Variants in CDH2 observed in about 807,000 individuals in gnomAD.
CDH2 encodes the protein cadherin 2.
In CDH2, 17 loss-of-function variants were observed where a neutral mutation model predicts 92.0. The observed-to-expected ratio is 0.18, with a 90% CI of 0.13 to 0.28. CDH2 has a LOEUF of 0.28. CDH2 is among the 10% of genes least tolerant of loss of function. The pLI, the probability that CDH2 is intolerant of heterozygous loss-of-function variation, is 1.00. For missense variants in CDH2, 862 were observed against 1,133.1 expected, an observed-to-expected ratio of 0.76 and a Z score of 3.44; for synonymous variants, 419 against 415.9, an observed-to-expected ratio of 1.01 and a Z score of -0.09.
At chr18:28,095,448 GA>G (rs550189348) in intron 2 of CDH2, among the ~76,000 whole-genome samples, 3 of 150,016 alleles carry the variant, frequency 2.0e-5, no homozygotes, top group East Asian at 2.0e-4. Flanking sequence ...ATAAAAAGTT[GA>G]AAAAAAAAGA....
intron 2 of CDH2, among the ~76,000 whole-genome samples, chr18:28,020,406 C>T (rs780970834): frequency 6.6e-6 from 1 of 151,876 alleles, no homozygotes; most frequent in Non-Finnish European, 1.5e-5. Context: ...AGAAGATATA[C>T]ATGGGACGTG....
At chr18:27,954,201 G>A (rs1391439692) in intron 15 of CDH2, among the ~76,000 whole-genome samples, 2 of 152,222 alleles carry the variant, frequency 1.3e-5, no homozygotes, top group East Asian at 3.9e-4. Flanking sequence ...CTTATTTTTA[G>A]ACTAAGCTAC....
intron 2 of CDH2, among the ~76,000 whole-genome samples, chr18:28,115,803 C>T (rs984432781): frequency 6.6e-6 from 1 of 152,122 alleles, no homozygotes; most frequent in African/African-American, 2.4e-5. Context: ...TCTACTTCAT[C>T]TCATGCTGTT....
Position 27,955,672 on chromosome 18 carries a change from T to TA in CDH2, c.2515-3314dup, listed in dbSNP as rs531139399. Reference sequence around the variant, plus strand: ...ACTCCCATATCCACTATTGAGAGTCTAAAAAATATTATTTTCTTTATTTTT... The same window carrying TA: ...ACTCCCATATCCACTATTGAGAGTCTAAAAAAATATTATTTTCTTTATTTTT... On this transcript the variant is annotated intron_variant, in intron 15 of 15. Transcript: ENST00000269141. Among the ~76,000 whole-genome samples, 682 of 151,650 alleles carry TA rather than the reference T, an allele frequency of 4.5e-3. 6 individuals are homozygous for TA. Among genetic ancestry groups the TA allele is most frequent in the African/African-American group, 0.016 (653 of 41,446 alleles).
At chr18:28,083,145 A>G (rs1233232510) in intron 2 of CDH2, among the ~76,000 whole-genome samples, 1 of 152,178 alleles carries the variant, frequency 6.6e-6, no homozygotes, top group Non-Finnish European at 1.5e-5. Context: ...CTGGAGACAC[A>G]GATAGTATAA....
At chr18:28,083,905 G>A (rs915082965) in intron 2 of CDH2, among the ~76,000 whole-genome samples, 1 of 152,122 alleles carries the variant, frequency 6.6e-6, no homozygotes, top group Non-Finnish European at 1.5e-5. Context: ...TCACATGAGG[G>A]TGGGAGGGTA....
In CDH2 at chr18:27,951,623, A is replaced by AG. The variant is rs1909456215; in HGVS notation, c.*529_*530insC. 1 of 12,514 alleles carries AG rather than the reference A, an allele frequency of 8.0e-5. No homozygotes were observed. The highest frequency in any genetic ancestry group is 8.6e-3 in the South Asian group (1 of 116). 0.8% of individuals were successfully genotyped at this position (12,514 alleles called of 1,614,324 possible). On this transcript the variant is annotated 3_prime_UTR_variant, in exon 16 of 16. Coordinates refer to ENST00000269141, the MANE Select transcript of CDH2 (RefSeq NM_001792.5). ...CTGAGTAAGTTTTAAGATTTTAGTG[A>AG]AAAAAAAAAAAACAAACTAAAGTCT...
chr18:28,043,890 ATTTT>A (rs67532914), intron 2 of CDH2, among the ~76,000 whole-genome samples: 5 of 91,470 alleles, frequency 5.5e-5, no homozygotes, highest in Non-Finnish European at 8.7e-5. Flanking sequence ...AGAATCTCGG[ATTTT>A]TTTTTTTTTT....
intron 7 of CDH2, among the ~76,000 whole-genome samples, chr18:28,001,757 T>A (rs1247031589): frequency 1.3e-5 from 2 of 152,250 alleles, no homozygotes; most frequent in African/African-American, 2.4e-5. Context: ...AATAAACTAA[T>A]CTTTATTGGC....
In CDH2 at chr18:27,952,186, T is replaced by C. The variant is rs1436870739; in HGVS notation, c.2688A>G (p.Lys896=). ...YLNDWGPRFK[K]LADMYGGGDD The stretch of plus-strand genomic sequence containing the variant: ...CACCTCCACCATACATGTCAGCAAG[T>C]TTCTTGAACCGTGGCCCCCAGTCGT... Residue 896 remains lysine (K), a synonymous_variant, in exon 16 of 16, where the codon AAA becomes AAG. Transcript: ENST00000269141. 1 of 1,613,656 alleles carries C rather than the reference T, an allele frequency of 6.2e-7. No homozygotes were observed. Among genetic ancestry groups the C allele is most frequent in the Non-Finnish European group, 8.5e-7 (1 of 1,179,694 alleles).
chr18:27,998,477 C>A (rs11664343), intron 7 of CDH2, among the ~76,000 whole-genome samples: 29,843 of 152,102 alleles, frequency 0.2, 3,382 homozygotes, highest in Non-Finnish European at 0.25. Flanking sequence ...AGAATCTGTA[C>A]CGTTAACCAA....
At chr18:28,078,260 A>G (rs955232481) in intron 2 of CDH2, among the ~76,000 whole-genome samples, 1 of 152,104 alleles carries the variant, frequency 6.6e-6, no homozygotes, top group South Asian at 2.1e-4. Flanking sequence ...GAGAACCCCA[A>G]TCAGCTGTTG....
At chr18:27,945,324 T>G (rs1711887604) in intron 6 of CDH2, among the ~76,000 whole-genome samples, 3 of 7,250 alleles carry the variant, frequency 4.1e-4, no homozygotes, top group Admixed American at 5.0e-3. Flanking sequence ...GGAAGGAAGA[T>G]TTTTTTTTTT....
At chr18:28,041,925 G>A (rs537269462) in intron 2 of CDH2, among the ~76,000 whole-genome samples, 1 of 151,848 alleles carries the variant, frequency 6.6e-6, no homozygotes, top group South Asian at 2.1e-4. Context: ...ATTTATTAAA[G>A]AAACAAATTA....
At chr18:28,038,252 G>GT (rs2013876378) in intron 2 of CDH2, among the ~76,000 whole-genome samples, 1 of 151,974 alleles carries the variant, frequency 6.6e-6, no homozygotes, top group Admixed American at 6.6e-5. Flanking sequence ...GCAAAACTCC[G>GT]TATCTACCAA....
intron 2 of CDH2, among the ~76,000 whole-genome samples, chr18:28,142,713 C>T (rs1027832882): frequency 2.0e-5 from 3 of 151,898 alleles, no homozygotes; most frequent in African/African-American, 4.8e-5. Context: ...AGTTGGAAAT[C>T]GTAAAGTGCA....
intron 15 of CDH2, among the ~76,000 whole-genome samples, chr18:27,960,617 G>A (rs2011376477): frequency 6.6e-6 from 1 of 152,188 alleles, no homozygotes; most frequent in African/African-American, 2.4e-5. Flanking sequence ...CACACAAAGA[G>A]AATCGATGTC....
chr18:28,043,903 T>G (rs1221222147), intron 2 of CDH2, among the ~76,000 whole-genome samples: 1 of 29,006 alleles, frequency 3.4e-5, no homozygotes, highest in African/African-American at 2.1e-4. Flanking sequence ...TTTTTTTTTT[T>G]TTTTTTTTTT....
chr18:28,073,976 A>C (rs796652928), intron 2 of CDH2, among the ~76,000 whole-genome samples: 14 of 152,312 alleles, frequency 9.2e-5, no homozygotes, highest in African/African-American at 3.1e-4. Flanking sequence ...TATTAATATC[A>C]TTAGCACGTC....
Sources: allele counts gnomAD v4.1 joint callset (sites outside exome capture counted in the v4.1 genomes callset), GRCh38; gene constraint gnomAD v4.1.1; transcripts MANE v1.5; gene names NCBI Gene and HGNC (gene_info 2026-07-23, HGNC 2026-07-21).